The following USP43 variants were observed in gnomAD, a reference collection of about 807,000 sequenced individuals.
The protein encoded by USP43 is ubiquitin specific peptidase 43.
USP43 carries 33 observed loss-of-function variants against 90.7 expected under a neutral mutation model. The observed-to-expected ratio is 0.36, with a 90% CI of 0.28 to 0.49. USP43 has a LOEUF of 0.49. Ranked by LOEUF, USP43 falls within the 20% of genes least tolerant of loss-of-function variation. The pLI is 0.98. For synonymous variants in USP43, 598 were observed against 615.8 expected (o/e 0.97, Z 0.43); for missense variants, 1,274 against 1,476.4 (o/e 0.86, Z 2.25).
intron 8 of USP43, among the ~76,000 whole-genome samples, chr17:9,687,429 A>C (rs1180873231): frequency 1.3e-5 from 2 of 152,250 alleles, no homozygotes; most frequent in Admixed American, 6.5e-5. Flanking sequence ...TGTTAAAATA[A>C]GTTTGTCCAG....
intron 8 of USP43, among the ~76,000 whole-genome samples, chr17:9,689,031 G>A (rs1914767782): frequency 6.6e-6 from 1 of 152,122 alleles, no homozygotes; most frequent in Non-Finnish European, 1.5e-5. Flanking sequence ...AATGGGGCCA[G>A]CAAAATACTA....
chr17:9,697,960 G>A (rs1915374412), intron 9 of USP43, among the ~76,000 whole-genome samples: 1 of 152,140 alleles, frequency 6.6e-6, no homozygotes, highest in South Asian at 2.1e-4. Context: ...AACCAACAGT[G>A]TCTAAGCATT....
chr17:9,693,034 G>A, intron 8 of USP43, 93 bp from the exon 9 acceptor site: 1 of 882,234 alleles, frequency 1.1e-6, no homozygotes, highest in Non-Finnish European at 1.8e-6. Context: ...GGAAAATAAT[G>A]ATTATATTTT....
At chr17:9,662,439 G>T (rs1912708134) in intron 2 of USP43, among the ~76,000 whole-genome samples, 1 of 152,132 alleles carries the variant, frequency 6.6e-6, no homozygotes, top group African/African-American at 2.4e-5. Flanking sequence ...TTACCTCTCT[G>T]TGAATGGAAC....
intron 7 of USP43, 102 bp downstream of exon 7, chr17:9,683,060 A>G: frequency 6.9e-7 from 1 of 1,447,442 alleles, no homozygotes; most frequent in Non-Finnish European, 9.3e-7. Context: ...CCCAAGGTTA[A>G]TAAACTAGGA....
intron 14 of USP43, among the ~76,000 whole-genome samples, chr17:9,719,092 C>A (rs531154150): frequency 1.1e-3 from 163 of 152,202 alleles, no homozygotes; most frequent in African/African-American, 3.6e-3. Flanking sequence ...CGCACCATTG[C>A]GCTCCAGCCT....
chr17:9,708,516 C>T (rs979325786), intron 12 of USP43, among the ~76,000 whole-genome samples: 25 of 151,942 alleles, frequency 1.6e-4, no homozygotes, highest in Non-Finnish European at 2.1e-4. Context: ...AGGTGTGGGG[C>T]GGAACGGAAA....
intron 14 of USP43, among the ~76,000 whole-genome samples, 166 bp downstream of exon 14, chr17:9,712,298 G>T (rs1290380805): frequency 6.6e-6 from 1 of 152,052 alleles, no homozygotes; most frequent in Non-Finnish European, 1.5e-5. Context: ...GCCCTTCCTT[G>T]CCCGCTTCTC....
intron 3 of USP43, among the ~76,000 whole-genome samples, chr17:9,671,481 G>A (rs114398822): frequency 3.8e-3 from 585 of 152,308 alleles, no homozygotes; most frequent in African/African-American, 0.013. Context: ...CTGGGTTTGA[G>A]GTGAAAGATG....
intron 2 of USP43, 94 bp from the exon 3 acceptor site, chr17:9,666,554 C>T (rs1011611708): frequency 2.4e-5 from 23 of 977,082 alleles, no homozygotes; most frequent in Middle Eastern, 2.8e-4. Context: ...AGGGATGATG[C>T]GGGCCCAGGA....
Position 9,646,111 on chromosome 17 carries a change from C to A in USP43, c.479C>A (p.Thr160Lys), listed in dbSNP as rs1372940120. 8.1e-6 allele frequency: 12 copies of A among 1,490,306 alleles called. No individual in the cohort carries two copies. The highest frequency in any genetic ancestry group is 1.1e-5 in the Non-Finnish European group (12 of 1,121,416). 92.3% of individuals were successfully genotyped at this position (1,490,306 alleles called of 1,614,324 possible). The change falls in exon 1 of 15, where the codon ACG becomes AAG. Residue 160 changes from threonine to lysine, a missense_variant. Thr to Lys is a moderately conservative substitution (Grantham distance 78). Around this residue, in one of 6 missense-constraint regions of USP43, gnomAD observed 259 missense variants for 373.7 expected, o/e 0.69. Coordinates refer to ENST00000285199, the MANE Select transcript of USP43 (RefSeq NM_153210.5). ...CGCGCGCTCTGGACTCGCGAATACA[C>A]GCCCCAACTTTCCGCGGAGTTCAAG... ...LVRALWTREY[T>K]PQLSAEFKNA... is the part of the protein sequence containing the mutation.
intron 8 of USP43, 127 bp downstream of exon 8, chr17:9,687,036 G>A (rs1914636016): frequency 2.8e-6 from 2 of 710,356 alleles, no homozygotes. Context: ...CTGTTAAAGA[G>A]TGTTCATACT....
Position 9,656,439 on chromosome 17 carries a change from A to T in USP43, c.541A>T (p.Asn181Tyr), listed in dbSNP as rs1442246415. 1.2e-6 allele frequency: 2 copies of T among 1,610,986 alleles called. No individual in the cohort carries two copies. The highest frequency in any genetic ancestry group is 1.1e-5 in the South Asian group (1 of 90,214). ...VSKYGSQFQG[N>Y]SQHDALEFLL... Reference sequence around the variant, plus strand: ...CAAGTACGGCTCTCAGTTCCAAGGCAATTCCCAGCACGACGCCCTGGAATT... The same window carrying T: ...CAAGTACGGCTCTCAGTTCCAAGGCTATTCCCAGCACGACGCCCTGGAATT... The change falls in exon 2 of 15, where the codon AAT becomes TAT. Residue 181 changes from asparagine (N) to tyrosine (Y), a missense_variant. Physicochemically the swap from Asn to Tyr is moderately radical, Grantham distance 143. Transcript: ENST00000285199.
intron 8 of USP43, among the ~76,000 whole-genome samples, chr17:9,687,320 T>G (rs1335272426): frequency 3.9e-5 from 6 of 152,172 alleles, no homozygotes; most frequent in Admixed American, 3.9e-4. Flanking sequence ...TTATAATAAA[T>G]TGTAACTTTT....
chr17:9,669,088 C>T (rs1913229105), intron 3 of USP43, among the ~76,000 whole-genome samples: 1 of 152,074 alleles, frequency 6.6e-6, no homozygotes, highest in African/African-American at 2.4e-5. Context: ...TTGTGATCCA[C>T]CTGCCTCGGC....
chr17:9,699,017 C>G (rs542109485), intron 9 of USP43, among the ~76,000 whole-genome samples: 64 of 152,326 alleles, frequency 4.2e-4, no homozygotes, highest in Non-Finnish European at 8.5e-4. Context: ...GGTCCTCAGT[C>G]TGTCTCCTCA....
intron 3 of USP43, among the ~76,000 whole-genome samples, chr17:9,670,531 AC>A (rs932506224): frequency 1.3e-5 from 2 of 151,804 alleles, no homozygotes; most frequent in Admixed American, 6.6e-5. Flanking sequence ...TAGTCCTTCC[AC>A]CCCACAACCC....
rs1326117442 is a variant in USP43 at position 9,701,810 on chromosome 17, C to T, written c.2011+110C>T. The T allele has an allele frequency of 9.8e-6, 9 of 917,228 alleles. No homozygotes were observed. In the Admixed American group the frequency reaches 1.8e-4, roughly 18 times the overall value. 56.8% of individuals were successfully genotyped at this position (917,228 alleles called of 1,614,324 possible). A position where few individuals can be genotyped will look rare whatever the true frequency, so the allele number is the denominator to read the frequency against. On this transcript the variant is annotated intron_variant, in intron 12 of 14. Coordinates refer to ENST00000285199, the MANE Select transcript of USP43 (RefSeq NM_153210.5). This position sits in a 1 kb window ranked among gnomAD's most constrained non-coding sequence, Gnocchi z 7.2. The stretch of plus-strand genomic sequence containing the variant: ...GCTCCCTGGGGCACTTATTGAGATC[C>T]GACCCCTCACCCACCGCACACCAGG...
In USP43 at chr17:9,728,591, C is replaced by T; in HGVS notation, c.2973C>T (p.Pro991=). Residue 991 remains proline, a synonymous_variant, in exon 15 of 15, where the codon CCC becomes CCT. Transcript: ENST00000285199. The surrounding 1 kb of genome is among the most constrained non-coding windows in gnomAD (Gnocchi z 6.2). ...GAGGCACCTCTGAGCTAGACAGACC[C>T]CTGCAGGGGACACTCACCCTTCTGA... ...SRRGTSELDR[P]LQGTLTLLRS... The T allele has an allele frequency of 6.2e-7, 1 of 1,613,922 alleles. No individual in the cohort carries two copies. The highest frequency in any genetic ancestry group is 8.5e-7 in the Non-Finnish European group (1 of 1,179,862).
Sources: gnomAD v4.1 joint callset for allele counts (sites outside exome capture counted in the v4.1 genomes callset) on GRCh38, gnomAD v4.1.1 for gene constraint, gnomAD v4.1.1 regional missense constraint, Gnocchi (gnomAD v3.1) non-coding constraint, MANE v1.5 for transcripts, NCBI Gene and HGNC (gene_info 2026-07-23, HGNC 2026-07-21) for gene names.